The following TMEM232 variants were observed in gnomAD, a reference collection of about 807,000 sequenced individuals.
TMEM232 encodes transmembrane protein 232.
TMEM232 carries 80 observed loss-of-function variants against 78.8 expected under a neutral mutation model. That is an observed-to-expected ratio of 1.01 (90% CI 0.85 to 1.22). The LOEUF (loss-of-function observed/expected upper bound fraction) is 1.22, where lower values mean the gene tolerates loss of function less well. Among genes scored for constraint, TMEM232 ranks in the 50% most tolerant of loss-of-function variants. TMEM232 has a pLI of 0.00. For missense variants in TMEM232, 881 were observed against 742.2 expected, an observed-to-expected ratio of 1.19 and a Z score of -2.17; for synonymous variants, 297 against 254.3, an observed-to-expected ratio of 1.17 and a Z score of -1.60.
chr5:110,619,578 T>C (rs1165731415), intron 7 of TMEM232, among the ~76,000 whole-genome samples: 2 of 152,156 alleles, frequency 1.3e-5, no homozygotes, highest in Non-Finnish European at 2.9e-5. Context: ...GTGTTGACAG[T>C]GTTAGAACAC....
At chr5:110,439,697 T>A (rs1252645510) in intron 12 of TMEM232, among the ~76,000 whole-genome samples, 1 of 152,026 alleles carries the variant, frequency 6.6e-6, no homozygotes, top group Non-Finnish European at 1.5e-5. Context: ...GCAAAGCAAC[T>A]AAGAAACTCA....
At chr5:110,674,016 GA>G (rs995963137) in intron 1 of TMEM232, among the ~76,000 whole-genome samples, 60 of 143,374 alleles carry the variant, frequency 4.2e-4, no homozygotes, top group African/African-American at 1.2e-3. Context: ...GCAGTCTGAG[GA>G]AAAAAAAAAT....
rs112110988 is a variant in TMEM232 at position 110,667,882 on chromosome 5, T to G, written c.-12-518A>C. On this transcript the variant is annotated intron_variant, in intron 1 of 13. Transcript: ENST00000455884. Reference sequence around the variant, plus strand: ...TTCATGTCTCCTGTCTTTTCGTCATTTAGATAGTGCTTTCTCTGCTTGTTT... The same window carrying G: ...TTCATGTCTCCTGTCTTTTCGTCATGTAGATAGTGCTTTCTCTGCTTGTTT... Among the ~76,000 whole-genome samples the G allele has an allele frequency of 6.2e-3, 942 of 152,224 alleles. 2 individuals are homozygous for G. The highest frequency in any genetic ancestry group is 9.2e-3 in the Non-Finnish European group (629 of 68,014).
intron 5 of TMEM232, 94 bp from the exon 6 acceptor site, chr5:110,627,974 CTTT>C (rs1784632166): frequency 1.1e-6 from 1 of 891,296 alleles, no homozygotes; most frequent in Non-Finnish European, 1.7e-6. Context: ...ATTACATTTT[CTTT>C]TGAGAAAACA....
chr5:110,551,131 T>C (rs1401136297), intron 11 of TMEM232, among the ~76,000 whole-genome samples: 2 of 152,178 alleles, frequency 1.3e-5, no homozygotes, highest in Non-Finnish European at 1.5e-5. Context: ...ATCTAGAATA[T>C]GAATAAGCCT....
At position 110,390,118 on chromosome 5, in the gene TMEM232, A is replaced by T. The variant is rs913843787; in HGVS notation, n.615+298T>A. Reference sequence around the variant, plus strand: ...CTCTCACTACACCCATAACCAATTGAGCTTTTTATGTCTAAACCACCCTCT... The same window carrying T: ...CTCTCACTACACCCATAACCAATTGTGCTTTTTATGTCTAAACCACCCTCT... On this transcript the variant is annotated intron_variant and non_coding_transcript_variant, in intron 4 of 8. Coordinates refer to the TMEM232 transcript ENST00000507188. 7.9e-5 allele frequency among the ~76,000 whole-genome samples: 12 copies of T among 152,168 alleles called. 1 individual carries two copies. In the East Asian group the frequency reaches 9.7e-4, roughly 12 times the overall value.
intron 2 of TMEM232, among the ~76,000 whole-genome samples, chr5:110,408,491 C>G (rs1293977483): frequency 6.6e-6 from 1 of 151,840 alleles, no homozygotes; most frequent in East Asian, 1.9e-4. Flanking sequence ...ACTAGGGAGG[C>G]TGAGACAGGA....
chr5:110,591,950 C>T (rs927980863), intron 10 of TMEM232, among the ~76,000 whole-genome samples: 1 of 152,048 alleles, frequency 6.6e-6, no homozygotes, highest in African/African-American at 2.4e-5. Context: ...ACCTTTGGAA[C>T]CCTCCATTTT....
chr5:110,456,059 C>A (rs1169802890), intron 12 of TMEM232, among the ~76,000 whole-genome samples: 4 of 152,140 alleles, frequency 2.6e-5, no homozygotes, highest in African/African-American at 9.7e-5. Flanking sequence ...TGTTTGCTCT[C>A]AGCACTTCTA....
At chr5:110,692,320 T>A (rs1580687687) in intron 1 of TMEM232, among the ~76,000 whole-genome samples, 1 of 152,138 alleles carries the variant, frequency 6.6e-6, no homozygotes, top group African/African-American at 2.4e-5. Context: ...AAGGTGAGGG[T>A]GGAGCCAAGA....
chr5:110,570,339 TG>T (rs1776803163), intron 10 of TMEM232, among the ~76,000 whole-genome samples: 1 of 152,032 alleles, frequency 6.6e-6, no homozygotes, highest in South Asian at 2.1e-4. Flanking sequence ...TTTAAGGTTT[TG>T]GGGTTTTCTT....
At chr5:110,530,263 T>C (rs949662541) in intron 11 of TMEM232, among the ~76,000 whole-genome samples, 4 of 152,158 alleles carry the variant, frequency 2.6e-5, no homozygotes, top group African/African-American at 9.7e-5. Flanking sequence ...TGCAAATATG[T>C]GTCACTGTGA....
At chr5:110,537,435 A>C (rs988777199) in intron 11 of TMEM232, among the ~76,000 whole-genome samples, 1 of 152,140 alleles carries the variant, frequency 6.6e-6, no homozygotes. Context: ...CCAAAATCCC[A>C]TATGTACAGA....
intron 10 of TMEM232, among the ~76,000 whole-genome samples, chr5:110,581,185 T>C (rs1254306004): frequency 1.3e-5 from 2 of 151,354 alleles, no homozygotes; most frequent in Non-Finnish European, 3.0e-5. Flanking sequence ...TCATATGAAA[T>C]TGAAAAATAG....
intron 12 of TMEM232, among the ~76,000 whole-genome samples, chr5:110,477,600 A>G (rs540168942): frequency 1.3e-5 from 2 of 151,884 alleles, no homozygotes; most frequent in South Asian, 4.2e-4. Flanking sequence ...TGTGTTAACT[A>G]TTACTCTCTT....
intron 1 of TMEM232, among the ~76,000 whole-genome samples, chr5:110,683,766 A>T (rs1013923710): frequency 6.6e-6 from 1 of 151,948 alleles, no homozygotes; most frequent in Non-Finnish European, 1.5e-5. Context: ...ATTGGGAAAT[A>T]TTACCTATTA....
intron 1 of TMEM232, among the ~76,000 whole-genome samples, chr5:110,679,661 A>G (rs948476726): frequency 6.6e-6 from 1 of 152,132 alleles, no homozygotes; most frequent in African/African-American, 2.4e-5. Context: ...CTCTTTCACT[A>G]ATATCTTTGT....
rs544132303 is a variant in TMEM232 at position 110,427,084 on chromosome 5, A to T, written c.1704-2168T>A. Among the ~76,000 whole-genome samples, 3 of 152,134 alleles carry T rather than the reference A, an allele frequency of 2.0e-5. No individual in the cohort carries two copies. The East Asian group carries it at 5.8e-4, about 29-fold the overall frequency. On this transcript the variant is annotated intron_variant, in intron 12 of 13. Transcript: ENST00000455884. ...GCTAGAAAATAAAAAATTATAGAGAACATAATGAAAGATAACACGAGAGAA... is the reference window on the plus strand; with the variant it reads ...GCTAGAAAATAAAAAATTATAGAGATCATAATGAAAGATAACACGAGAGAA...
At chr5:110,486,980 T>C (rs1318202169) in intron 12 of TMEM232, among the ~76,000 whole-genome samples, 2 of 152,098 alleles carry the variant, frequency 1.3e-5, no homozygotes, top group African/African-American at 4.8e-5. Context: ...GTGTCATCTA[T>C]GACTTCTTTC....
Sources: gnomAD v4.1 joint callset for allele counts (sites outside exome capture counted in the v4.1 genomes callset) on GRCh38, gnomAD v4.1.1 for gene constraint, MANE v1.5 for transcripts, NCBI Gene and HGNC (gene_info 2026-07-23, HGNC 2026-07-21) for gene names.